Variants in USP34 observed in about 807,000 individuals in gnomAD.
USP34 encodes the protein ubiquitin specific peptidase 34.
A neutral mutation model predicts 460.3 loss-of-function variants in USP34; 70 were observed. The observed-to-expected ratio is 0.15, with a 90% CI of 0.13 to 0.19. USP34 has a LOEUF of 0.19. Ranked by LOEUF, USP34 falls within the 10% of genes least tolerant of loss-of-function variation. The pLI is 1.00. For synonymous variants in USP34, 1,647 were observed against 1,405.3 expected (o/e 1.17, Z -3.85); for missense variants, 3,985 against 4,236.2 (o/e 0.94, Z 1.65).
At chr2:61,380,597 T>G (rs1041098167) in intron 6 of USP34, among the ~76,000 whole-genome samples, 7 of 130,424 alleles carry the variant, frequency 5.4e-5, no homozygotes, top group Admixed American at 5.3e-4. Context: ...TGGCCACAAA[T>G]TCCTCCCATC....
At position 61,394,988 on chromosome 2, in the gene USP34, T is replaced by C; in HGVS notation, c.618A>G (p.Pro206=). ...AACATACATAACGAAGCAAATGCAATGGTACTTCTACATCCTGGGAAAATA... is the reference window on the plus strand; with the variant it reads ...AACATACATAACGAAGCAAATGCAACGGTACTTCTACATCCTGGGAAAATA... ...AFCDMNDVEV[P]LHLLRYVCLF... The change falls in exon 5 of 80, where the codon CCA becomes CCG. Residue 206 remains proline, a synonymous_variant. Transcript: ENST00000398571. The C allele has an allele frequency of 6.3e-7, 1 of 1,593,152 alleles. No homozygotes were observed. The highest frequency in any genetic ancestry group is 8.5e-7 in the Non-Finnish European group (1 of 1,174,184).
At chr2:61,461,628 T>C (rs1246665564) in intron 1 of USP34, among the ~76,000 whole-genome samples, 3 of 152,170 alleles carry the variant, frequency 2.0e-5, no homozygotes, top group Non-Finnish European at 2.9e-5. Flanking sequence ...TAGCTGGGAA[T>C]ACTACAGGCA....
At chr2:61,376,311 T>C (rs548994543) in intron 8 of USP34, among the ~76,000 whole-genome samples, 2 of 152,306 alleles carry the variant, frequency 1.3e-5, no homozygotes, top group South Asian at 2.1e-4. Flanking sequence ...ACTGTACACA[T>C]ACTCTCCCTT....
rs11899512 is a variant in USP34 at position 61,465,573 on chromosome 2, T to C, written c.43+5077A>G. 6.3e-3 allele frequency among the ~76,000 whole-genome samples: 960 copies of C among 152,278 alleles called. 8 individuals are homozygous for C. The highest frequency in any genetic ancestry group is 0.022 in the African/African-American group (909 of 41,562). ...AACACAATTAACTGGCCAGGCATGG[T>C]AGCTCATGCCTGTAATTCCAGTACT... is the stretch of plus-strand genomic sequence containing the variant. On this transcript the variant is annotated intron_variant, in intron 1 of 79. Coordinates refer to ENST00000398571, the MANE Select transcript of USP34 (RefSeq NM_014709.4).
chr2:61,298,814 C>T (rs1204933808), intron 29 of USP34, among the ~76,000 whole-genome samples: 2 of 151,752 alleles, frequency 1.3e-5, no homozygotes, highest in Non-Finnish European at 2.9e-5. Flanking sequence ...TTTTGCGATA[C>T]AAGTTACAGT....
At chr2:61,380,460 T>G in intron 6 of USP34, 99 bp from the exon 7 acceptor site, 1 of 1,290,564 alleles carries the variant, frequency 7.7e-7, no homozygotes, top group Non-Finnish European at 1.0e-6. Context: ...TTAACATTTT[T>G]TGTGTCCAAA....
chr2:61,438,918 A>T (rs1694890752), intron 1 of USP34, among the ~76,000 whole-genome samples: 1 of 152,124 alleles, frequency 6.6e-6, no homozygotes, highest in Admixed American at 6.6e-5. Context: ...ATATAGTAAA[A>T]CCTATGCTCC....
chr2:61,397,663 G>A (rs1693577292), intron 3 of USP34, among the ~76,000 whole-genome samples: 1 of 152,118 alleles, frequency 6.6e-6, no homozygotes, highest in African/African-American at 2.4e-5. Flanking sequence ...CACTTTCAGA[G>A]GCCGAGGTGG....
At position 61,378,382 on chromosome 2, in the gene USP34, A is replaced by G. The variant is rs775380254; in HGVS notation, c.1057T>C (p.Leu353=). ...TFNDVCNNES[L]VSDTETSIAK... The stretch of plus-strand genomic sequence containing the variant: ...ACTTACGTTTCTGTGTCCGATACTA[A>G]TGATTCATTATTGCACACATCATTG... Residue 353 remains leucine (L), a synonymous_variant, in exon 8 of 80, where the codon TTA becomes CTA. Coordinates refer to ENST00000398571, the MANE Select transcript of USP34 (RefSeq NM_014709.4). 8 of 1,597,010 alleles carry G rather than the reference A, an allele frequency of 5.0e-6. No homozygotes were observed. The South Asian group carries it at 8.1e-5, about 16-fold the overall frequency.
At chr2:61,231,683 C>T (rs1687910564) in intron 58 of USP34, among the ~76,000 whole-genome samples, 1 of 151,844 alleles carries the variant, frequency 6.6e-6, no homozygotes, top group African/African-American at 2.4e-5. Flanking sequence ...CACCGCACTA[C>T]AGCCAGGGTG....
chr2:61,253,335 G>C (rs976092306), intron 48 of USP34, among the ~76,000 whole-genome samples: 2 of 152,156 alleles, frequency 1.3e-5, no homozygotes, highest in Admixed American at 1.3e-4. Flanking sequence ...ACTTGACTCA[G>C]ACCCTTGATG....
At chr2:61,238,127 C>G (rs542883857) in intron 53 of USP34, among the ~76,000 whole-genome samples, 2 of 151,898 alleles carry the variant, frequency 1.3e-5, no homozygotes, top group African/African-American at 2.4e-5. Flanking sequence ...AACTGCTGAC[C>G]TCAAGTGATC....
At chr2:61,381,626 C>T (rs1012335000) in intron 6 of USP34, among the ~76,000 whole-genome samples, 2 of 152,190 alleles carry the variant, frequency 1.3e-5, no homozygotes, top group African/African-American at 2.4e-5. Context: ...CATGAGCCAC[C>T]ATGCCTGGCT....
At chr2:61,298,537 CAAAAAAAAAAAA>C (rs57087400) in intron 29 of USP34, among the ~76,000 whole-genome samples, 23 of 28,288 alleles carry the variant, frequency 8.1e-4, no homozygotes, top group South Asian at 3.4e-3. Context: ...GACTCTGTCT[CAAAAAAAAAAAA>C]AAAAAAAAAA....
chr2:61,256,721 T>G (rs1304584179), intron 47 of USP34, 152 bp downstream of exon 47: 1 of 641,776 alleles, frequency 1.6e-6, no homozygotes, highest in African/African-American at 1.9e-5. Context: ...AGCTTTATGG[T>G]TGATGTTTAA....
At chr2:61,190,935 A>G (rs1399063273) in intron 76 of USP34, 2 of 297,270 alleles carry the variant, frequency 6.7e-6, no homozygotes, top group Non-Finnish European at 1.3e-5. Context: ...ATGCAGGTTT[A>G]TTATCCAGCA....
chr2:61,204,719 A>G, intron 72 of USP34, 118 bp from the exon 73 acceptor site: 1 of 753,964 alleles, frequency 1.3e-6, no homozygotes, highest in South Asian at 1.8e-5. Context: ...GTCTAAAACT[A>G]AGCTCCTGAC....
intron 27 of USP34, among the ~76,000 whole-genome samples, chr2:61,303,529 T>C (rs758403039): frequency 4.6e-5 from 7 of 152,208 alleles, no homozygotes; most frequent in Admixed American, 2.0e-4. Flanking sequence ...AGAAGAAAAG[T>C]AAATGCTTAT....
chr2:61,454,290 T>G (rs1378894038), intron 1 of USP34, among the ~76,000 whole-genome samples: 2 of 151,924 alleles, frequency 1.3e-5, no homozygotes, highest in Admixed American at 6.6e-5. Context: ...CATGCTCAGC[T>G]AGGTTTTGTT....
Sources: allele counts gnomAD v4.1 joint callset (sites outside exome capture counted in the v4.1 genomes callset), GRCh38; gene constraint gnomAD v4.1.1; transcripts MANE v1.5; gene names NCBI Gene and HGNC (gene_info 2026-07-23, HGNC 2026-07-21).